Variants in RAG1 observed in about 807,000 individuals in gnomAD.
RAG1 encodes recombination activating 1.
RAG1 carries 35 observed loss-of-function variants against 62.7 expected under a neutral mutation model. The observed-to-expected ratio is 0.56, with a 90% CI of 0.43 to 0.74. The LOEUF is 0.74. Among genes scored for constraint, RAG1 ranks in the 30% least tolerant of loss-of-function variants. The pLI, the probability that RAG1 is intolerant of heterozygous loss-of-function variation, is 0.00. For missense variants in RAG1, 1,169 were observed against 1,278.6 expected (o/e 0.91, Z 1.31); for synonymous variants, 461 against 470.3 (o/e 0.98, Z 0.26).
At position 36,574,007 on chromosome 11, in the gene RAG1, A is replaced by G. The variant is rs780625678; in HGVS notation, c.703A>G (p.Lys235Glu). 4 of 1,614,154 alleles carry G rather than the reference A, an allele frequency of 2.5e-6. No homozygotes were observed. The East Asian group carries it at 8.9e-5, about 36-fold the overall frequency. The part of the protein sequence containing the change: ...SLQPNLQLSK[K>E]LKTVLDQARQ... ...TCAGCCAAACTTGCAGCTCAGCAAA[A>G]AACTCAAAACTGTGCTTGACCAAGC... The change falls in exon 2 of 2, where the codon AAA becomes GAA. Residue 235 changes from lysine to glutamate, a missense_variant. Coordinates refer to ENST00000299440, the MANE Select transcript of RAG1 (RefSeq NM_000448.3).
chr11:36,559,218 A>T (rs890737972), intron 3 of RAG1, among the ~76,000 whole-genome samples: 2 of 152,176 alleles, frequency 1.3e-5, no homozygotes, highest in South Asian at 2.1e-4. Context: ...TGCTGTTAGT[A>T]TAATGAAGAT....
At chr11:36,571,664 G>A (rs964316586) in intron 1 of RAG1, among the ~76,000 whole-genome samples, 9 of 152,056 alleles carry the variant, frequency 5.9e-5, no homozygotes, top group African/African-American at 1.9e-4. Flanking sequence ...ATCCAGGCTG[G>A]GTTGCAGTGG....
intron 1 of RAG1, among the ~76,000 whole-genome samples, chr11:36,515,111 A>T (rs1859978605): frequency 6.6e-6 from 1 of 152,180 alleles, no homozygotes; most frequent in Non-Finnish European, 1.5e-5. Flanking sequence ...GAGGTGACAC[A>T]ACCTGGGGAG....
At position 36,574,524 on chromosome 11, in the gene RAG1, A is replaced by G; in HGVS notation, c.1220A>G (p.Gln407Arg). The change falls in exon 2 of 2, where the codon CAG (glutamine) becomes CGG (arginine). Residue 407 changes from glutamine (Q) to arginine (R), a missense_variant. By Grantham distance (43) the Gln-to-Arg change is conservative (BLOSUM62 1). This residue lies in a region of RAG1 where 800 missense variants were observed against 943.3 expected (regional missense o/e 0.85). Transcript: ENST00000299440. ...CTTCTGTCGCTGACTCGGAGAGCTC[A>G]GAAGCACCGGCTGAGGGAGCTCAAG... Reference protein sequence around the residue: ...QHLLSLTRRAQKHRLRELKLQ... With the variant: ...QHLLSLTRRARKHRLRELKLQ... The G allele has an allele frequency of 6.2e-7, 1 of 1,614,270 alleles. No individual in the cohort carries two copies. The highest frequency in any genetic ancestry group is 8.5e-7 in the Non-Finnish European group (1 of 1,180,052).
At chr11:36,512,632 A>G (rs945209242) in intron 1 of RAG1, among the ~76,000 whole-genome samples, 4 of 152,234 alleles carry the variant, frequency 2.6e-5, no homozygotes, top group Admixed American at 1.3e-4. Flanking sequence ...AAATGAGGTC[A>G]TATGGAAAGA....
At chr11:36,540,464 G>T (rs1267613419), downstream of RAG1, among the ~76,000 whole-genome samples, 1 of 152,074 alleles carries the variant, frequency 6.6e-6, no homozygotes, top group Non-Finnish European at 1.5e-5. Context: ...GAGTGCAGTG[G>T]CATGATCTCG....
intron 3 of RAG1, among the ~76,000 whole-genome samples, chr11:36,557,425 C>A (rs951704150): frequency 1.4e-5 from 2 of 143,150 alleles, no homozygotes; most frequent in Non-Finnish European, 3.0e-5. Flanking sequence ...ACTCCCTGAC[C>A]CCTTGCGCTT....
At chr11:36,519,501 A>G (rs1860045718) in intron 1 of RAG1, among the ~76,000 whole-genome samples, 1 of 152,274 alleles carries the variant, frequency 6.6e-6, no homozygotes, top group Non-Finnish European at 1.5e-5. Context: ...CTGCACTTAT[A>G]GTAAATTAAC....
intron 1 of RAG1, among the ~76,000 whole-genome samples, chr11:36,570,531 A>T (rs4151010): frequency 4.5e-4 from 69 of 152,326 alleles, no homozygotes; most frequent in African/African-American, 1.6e-3. Context: ...CTTTGGATAA[A>T]TACCCAGTAG....
Position 36,578,867 on chromosome 11 carries a change from C to T in RAG1, c.*2431C>T, listed in dbSNP as rs1250979052. 2 of 167,032 alleles carry T rather than the reference C, an allele frequency of 1.2e-5. No individual in the cohort carries two copies. Among genetic ancestry groups the T allele is most frequent in the African/African-American group, 4.8e-5 (2 of 41,424 alleles). The allele number at this position is 167,032 out of a possible 1,614,324, so 10.3% of individuals were successfully genotyped here. On this transcript the variant is annotated 3_prime_UTR_variant, in exon 2 of 2. Coordinates refer to ENST00000299440, the MANE Select transcript of RAG1 (RefSeq NM_000448.3). ...TCCAGGGAAATTCACCACACTGAATCGAGCATTTGTGTGTGTATGTGTGAA... is the reference window on the plus strand; with the variant it reads ...TCCAGGGAAATTCACCACACTGAATTGAGCATTTGTGTGTGTATGTGTGAA...
chr11:36,526,273 C>A (rs950950194), intron 2 of RAG1, among the ~76,000 whole-genome samples: 8 of 141,522 alleles, frequency 5.7e-5, no homozygotes, highest in African/African-American at 2.1e-4. Flanking sequence ...GTGATATTCC[C>A]CTCCCTGTGT....
At chr11:36,513,744 C>A (rs1859957738) in intron 1 of RAG1, among the ~76,000 whole-genome samples, 1 of 152,186 alleles carries the variant, frequency 6.6e-6, no homozygotes. Flanking sequence ...TGGCAGCAGA[C>A]AAGAGAGAGA....
At chr11:36,560,585 G>C (rs1278632594) in intron 3 of RAG1, among the ~76,000 whole-genome samples, 3 of 152,142 alleles carry the variant, frequency 2.0e-5, no homozygotes, top group Non-Finnish European at 4.4e-5. Context: ...TAGTAGCTTG[G>C]GTCCTGGGGA....
At chr11:36,569,688 T>C (rs1486516978) in intron 1 of RAG1, among the ~76,000 whole-genome samples, 1 of 152,184 alleles carries the variant, frequency 6.6e-6, no homozygotes, top group East Asian at 1.9e-4. Flanking sequence ...TTAATAAAAA[T>C]AGTTACTTGC....
chr11:36,559,848 C>T (rs1435872996), intron 3 of RAG1, among the ~76,000 whole-genome samples: 1 of 152,022 alleles, frequency 6.6e-6, no homozygotes, highest in Non-Finnish European at 1.5e-5. Flanking sequence ...GTTTTGAATT[C>T]CTTTTCAGGC....
At chr11:36,531,138 A>G (rs1186801555) in intron 2 of RAG1, among the ~76,000 whole-genome samples, 3 of 151,904 alleles carry the variant, frequency 2.0e-5, no homozygotes, top group African/African-American at 7.2e-5. Context: ...TCTGCTATTA[A>G]TATAGCTACT....
At chr11:36,550,451 T>G (rs998141887) in intron 3 of RAG1, among the ~76,000 whole-genome samples, 6 of 152,078 alleles carry the variant, frequency 3.9e-5, no homozygotes, top group African/African-American at 1.4e-4. Context: ...CTTTTCCTTA[T>G]GAGGTGACCC....
intron 3 of RAG1, among the ~76,000 whole-genome samples, chr11:36,559,399 A>G (rs1850550458): frequency 6.6e-6 from 1 of 152,156 alleles, no homozygotes; most frequent in African/African-American, 2.4e-5. Context: ...TTGAATTCAT[A>G]TGTGTACATA....
At chr11:36,538,867 C>T (rs1860371736), downstream of RAG1, among the ~76,000 whole-genome samples, 1 of 152,222 alleles carries the variant, frequency 6.6e-6, no homozygotes, top group South Asian at 2.1e-4. Context: ...TCCCACCCAT[C>T]TCCAAGCTGG....
Sources: allele counts gnomAD v4.1 joint callset (sites outside exome capture counted in the v4.1 genomes callset), GRCh38; gene constraint gnomAD v4.1.1; regional missense constraint gnomAD v4.1.1; transcripts MANE v1.5; gene names NCBI Gene and HGNC (gene_info 2026-07-23, HGNC 2026-07-21).